The following ANP32B variants were observed in gnomAD, a reference collection of about 807,000 sequenced individuals.
ANP32B encodes the protein acidic leucine-rich nuclear phosphoprotein 32 family member B.
ANP32B carries 6 observed loss-of-function variants against 32.2 expected under a neutral mutation model. The observed-to-expected ratio is 0.19, with a 90% CI of 0.10 to 0.37. ANP32B has a LOEUF of 0.37. ANP32B is among the 10% of genes least tolerant of loss of function. The probability of loss-of-function intolerance (pLI) is 1.00; values close to 1 mark genes in which losing one functional copy is unlikely to be tolerated. For synonymous variants in ANP32B, 98 were observed against 105.8 expected, an observed-to-expected ratio of 0.93 and a Z score of 0.45; for missense variants, 204 against 289.2, an observed-to-expected ratio of 0.71 and a Z score of 2.14.
chr9:98,007,243 G>C (rs1430955930), intron 4 of ANP32B, among the ~76,000 whole-genome samples: 1 of 152,220 alleles, frequency 6.6e-6, no homozygotes, highest in Non-Finnish European at 1.5e-5. Flanking sequence ...TACTATTGAA[G>C]AGTTGATCCT....
intron 6 of ANP32B, among the ~76,000 whole-genome samples, chr9:98,014,991 G>C (rs966252976): frequency 6.6e-6 from 1 of 152,234 alleles, no homozygotes; most frequent in African/African-American, 2.4e-5. Context: ...GACCTCAGGT[G>C]ATCTGCCTGC....
At position 97,994,798 on chromosome 9, in the gene ANP32B, A is replaced by C. The variant is rs779462378; in HGVS notation, c.204+18A>C. 6.3e-7 allele frequency: 1 copy of C among 1,578,228 alleles called. No homozygotes were observed. Among genetic ancestry groups the C allele is most frequent in the South Asian group, 1.2e-5 (1 of 85,126 alleles). On this transcript the variant is annotated intron_variant, in intron 2 of 6. Coordinates refer to ENST00000339399, the MANE Select transcript of ANP32B (RefSeq NM_006401.3). ...TGAAAAAGGTAAGTGCTTTTTCTTT[A>C]ACAGTAAAAGAGAACGATCCTGGGA...
chr9:98,002,017 C>T lies in ANP32B; in HGVS notation c.328-2947C>T, dbSNP rs139864870. On this transcript the variant is annotated intron_variant, in intron 3 of 6. Coordinates refer to ENST00000339399, the MANE Select transcript of ANP32B (RefSeq NM_006401.3). Reference sequence around the variant, plus strand: ...AGCTATTTCGAAAAGCCTGGGGTCCCGCCATTCTGCTATACTTGGCACTCA... The same window carrying T: ...AGCTATTTCGAAAAGCCTGGGGTCCTGCCATTCTGCTATACTTGGCACTCA... 1.8e-3 allele frequency among the ~76,000 whole-genome samples: 267 copies of T among 152,258 alleles called. 1 individual carries two copies. Among genetic ancestry groups the T allele is most frequent in the African/African-American group, 5.9e-3 (246 of 41,554 alleles).
chr9:98,013,495 T>C (rs1828222718), intron 6 of ANP32B, among the ~76,000 whole-genome samples: 1 of 152,246 alleles, frequency 6.6e-6, no homozygotes, highest in Non-Finnish European at 1.5e-5. Context: ...TTGTCAGTGT[T>C]AGTCCTTTCC....
intron 4 of ANP32B, among the ~76,000 whole-genome samples, chr9:98,007,833 C>T (rs1828112945): frequency 6.6e-6 from 1 of 152,142 alleles, no homozygotes; most frequent in Admixed American, 6.5e-5. Flanking sequence ...CATGTCTGTT[C>T]ACGCAGTTCT....
In ANP32B at chr9:97,998,547, C is replaced by G; in HGVS notation, c.205-9C>G. 6.2e-7 allele frequency: 1 copy of G among 1,600,898 alleles called. No homozygotes were observed. The highest frequency in any genetic ancestry group is 8.5e-7 in the Non-Finnish European group (1 of 1,176,132). On this transcript the variant is annotated splice_polypyrimidine_tract_variant and intron_variant, in intron 2 of 6. Coordinates refer to ENST00000339399, the MANE Select transcript of ANP32B (RefSeq NM_006401.3). ...TTTGTGTTTGTGTTGTGTCCATTTT[C>G]TCTTGCAGCTTGAACTCAGTGAAAA...
chr9:98,010,983 C>G (rs998212870), intron 4 of ANP32B, among the ~76,000 whole-genome samples: 4 of 152,058 alleles, frequency 2.6e-5, no homozygotes, highest in Non-Finnish European at 5.9e-5. Flanking sequence ...TCCTGCATAC[C>G]CTTACCTTCT....
In ANP32B at chr9:98,015,502, T is replaced by TAA. The variant is rs372263861; in HGVS notation, c.*84_*85dup. On this transcript the variant is annotated 3_prime_UTR_variant, in exon 7 of 7. Coordinates refer to ENST00000339399, the MANE Select transcript of ANP32B (RefSeq NM_006401.3). ...ACTGCTCATGGATTTTGTAGCTGTT[T>TAA]AAAAAAAAAAAAAAGGTAGCTGTGA... 1,424 of 1,235,548 alleles carry TAA rather than the reference T, an allele frequency of 1.2e-3. No homozygotes were observed. Among genetic ancestry groups the TAA allele is most frequent in the African/African-American group, 6.4e-3 (403 of 62,836 alleles). 76.5% of individuals were successfully genotyped at this position (1,235,548 alleles called of 1,614,324 possible).
intron 4 of ANP32B, among the ~76,000 whole-genome samples, chr9:98,010,671 C>T (rs1828167803): frequency 6.6e-6 from 1 of 152,036 alleles, no homozygotes; most frequent in Admixed American, 6.5e-5. Flanking sequence ...CTCTAGGACC[C>T]AGGAGAAGCA....
chr9:97,993,075 T>C (rs753748515), intron 1 of ANP32B, among the ~76,000 whole-genome samples: 1 of 151,882 alleles, frequency 6.6e-6, no homozygotes, highest in Admixed American at 6.6e-5. Flanking sequence ...CCATTTCTTA[T>C]CAGAAAAGGG....
At chr9:98,012,279 T>C (rs1031888684) in intron 5 of ANP32B, 142 bp from the exon 6 acceptor site, 19 of 1,066,088 alleles carry the variant, frequency 1.8e-5, no homozygotes, top group Admixed American at 6.6e-5. Context: ...TACATCAAAG[T>C]AGATAAAAAT....
chr9:97,991,665 C>T (rs1172347585), intron 1 of ANP32B, among the ~76,000 whole-genome samples: 1 of 152,154 alleles, frequency 6.6e-6, no homozygotes, highest in African/African-American at 2.4e-5. Context: ...GAGAAGTTGA[C>T]ATTTTAAATA....
intron 3 of ANP32B, chr9:98,002,421 G>A (rs1310653457): frequency 1.3e-5 from 2 of 152,048 alleles, no homozygotes; most frequent in Non-Finnish European, 2.9e-5. Flanking sequence ...AATGTTTAAT[G>A]TTTATTATGG....
At chr9:97,985,158 CG>C (rs1238712722) in intron 1 of ANP32B, among the ~76,000 whole-genome samples, 1 of 151,698 alleles carries the variant, frequency 6.6e-6, no homozygotes, top group Non-Finnish European at 1.5e-5. Context: ...GGCGGCCCCG[CG>C]GGGCCTCCCG....
At chr9:98,003,305 G>A (rs1828025374) in intron 3 of ANP32B, among the ~76,000 whole-genome samples, 1 of 152,186 alleles carries the variant, frequency 6.6e-6, no homozygotes, top group South Asian at 2.1e-4. Context: ...AAGTGTGGGA[G>A]CCTCTTTCTT....
intron 1 of ANP32B, chr9:97,984,837 C>G (rs1004220392): frequency 1.3e-5 from 2 of 150,454 alleles, no homozygotes; most frequent in Non-Finnish European, 3.0e-5. Flanking sequence ...CGCCCCCGCC[C>G]CGCGCCGGGC....
intron 1 of ANP32B, chr9:97,984,783 C>T (rs1398157772): frequency 6.0e-5 from 9 of 150,376 alleles, no homozygotes; most frequent in African/African-American, 2.2e-4. Context: ...CGCGGGCGCG[C>T]TGCCGACCCC....
At chr9:98,008,886 C>T (rs139564025) in intron 4 of ANP32B, among the ~76,000 whole-genome samples, 156 of 152,206 alleles carry the variant, frequency 1.0e-3, no homozygotes, top group African/African-American at 3.6e-3. Flanking sequence ...GAAACCATCC[C>T]CCCACCCCCA....
At chr9:97,989,265 T>C (rs973749317) in intron 1 of ANP32B, among the ~76,000 whole-genome samples, 2 of 152,172 alleles carry the variant, frequency 1.3e-5, no homozygotes, top group African/African-American at 4.8e-5. Context: ...TGAAAAGGTA[T>C]TTGGCTGCAA....
Sources: gnomAD v4.1 joint callset for allele counts (sites outside exome capture counted in the v4.1 genomes callset) on GRCh38, gnomAD v4.1.1 for gene constraint, MANE v1.5 for transcripts, NCBI Gene and HGNC (gene_info 2026-07-23, HGNC 2026-07-21) for gene names.